Variants in CCDC91 observed in about 807,000 individuals in gnomAD.
CCDC91 encodes coiled-coil domain-containing protein 91.
In CCDC91, 48 loss-of-function variants were observed where a neutral mutation model predicts 63.2. That is an observed-to-expected ratio of 0.76 (90% CI 0.60 to 0.97). The LOEUF (loss-of-function observed/expected upper bound fraction) is 0.97, where lower values mean the gene tolerates loss of function less well. Among genes scored for constraint, CCDC91 ranks in the 50% least tolerant of loss-of-function variants. The pLI is 0.00. For missense variants in CCDC91, 500 were observed against 494.6 expected, an observed-to-expected ratio of 1.01 and a Z score of -0.10; for synonymous variants, 167 against 165.8, an observed-to-expected ratio of 1.01 and a Z score of -0.06.
intron 7 of CCDC91, among the ~76,000 whole-genome samples, chr12:28,377,081 C>G (rs1394892486): frequency 2.0e-5 from 3 of 149,440 alleles, no homozygotes; most frequent in Non-Finnish European, 4.5e-5. Flanking sequence ...TAAGGAATCT[C>G]TTTTAAGGCA....
chr12:28,512,140 G>A, intron 12 of CCDC91, among the ~76,000 whole-genome samples: 1 of 151,714 alleles, frequency 6.6e-6, no homozygotes, highest in East Asian at 1.9e-4. Flanking sequence ...GCATTCCTCT[G>A]CGAATAGGTT....
At chr12:28,378,336 ATTC>A (rs1945075983) in intron 7 of CCDC91, among the ~76,000 whole-genome samples, 2 of 152,084 alleles carry the variant, frequency 1.3e-5, no homozygotes, top group South Asian at 2.1e-4. Context: ...TGACTGCTGT[ATTC>A]TTATTTTTCA....
At chr12:28,201,574 T>C in intron 1 of CCDC91, among the ~76,000 whole-genome samples, 3 of 137,924 alleles carry the variant, frequency 2.2e-5, no homozygotes, top group South Asian at 2.3e-4. Flanking sequence ...GCTCCTCACG[T>C]CCCAGGCGAT....
chr12:28,235,987 A>C (rs1020484306), intron 1 of CCDC91, among the ~76,000 whole-genome samples: 3 of 152,058 alleles, frequency 2.0e-5, no homozygotes, highest in African/African-American at 7.2e-5. Flanking sequence ...AGAAACTGAA[A>C]ATTTTCTGAA....
At chr12:28,259,260 TG>T in intron 2 of CCDC91, 103 bp from the exon 3 acceptor site, 2 of 785,282 alleles carry the variant, frequency 2.5e-6, no homozygotes, top group Non-Finnish European at 4.4e-6. Flanking sequence ...TGAAAATGTC[TG>T]GTGTGTTATA....
At chr12:28,202,701 A>G (rs572034564) in intron 1 of CCDC91, among the ~76,000 whole-genome samples, 2 of 152,350 alleles carry the variant, frequency 1.3e-5, no homozygotes, top group South Asian at 4.1e-4. Context: ...AAGTGTAGCA[A>G]GAAGTCAAAG....
Position 28,452,541 on chromosome 12 carries a change from G to T in CCDC91, c.988G>T (p.Glu330Ter). 6.3e-7 allele frequency: 1 copy of T among 1,589,518 alleles called. No homozygotes were observed. The highest frequency in any genetic ancestry group is 1.2e-5 in the South Asian group (1 of 86,338). ...KVVEEERKNL[E>*]KAHAEERELW... Reference sequence around the variant, plus strand: ...CGTAGAAGAAGAAAGAAAAAATTTAGAAAAAGCGCATGCTGAAGAAAGGGA... The same window carrying T: ...CGTAGAAGAAGAAAGAAAAAATTTATAAAAAGCGCATGCTGAAGAAAGGGA... Residue 330 changes from glutamate to a stop codon, truncating the protein, a stop_gained, in exon 11 of 13, where the codon GAA (glutamate) becomes TAA (stop). Transcript: ENST00000536442. LOFTEE classifies it high-confidence loss of function.
chr12:28,275,833 A>T (rs1948175220), intron 3 of CCDC91, among the ~76,000 whole-genome samples: 1 of 152,102 alleles, frequency 6.6e-6, no homozygotes, highest in Admixed American at 6.6e-5. Context: ...AAATCAATAA[A>T]CGTAATCCAG....
intron 3 of CCDC91, among the ~76,000 whole-genome samples, chr12:28,300,092 T>C (rs931119466): frequency 6.6e-6 from 1 of 151,500 alleles, no homozygotes; most frequent in Non-Finnish European, 1.5e-5. Context: ...AGTCAGTCTT[T>C]CCTTGTGTTG....
intron 1 of CCDC91, among the ~76,000 whole-genome samples, chr12:28,200,771 T>G: frequency 6.6e-6 from 1 of 151,572 alleles, no homozygotes; most frequent in Non-Finnish European, 1.5e-5. Context: ...TCATGGCCTG[T>G]TCTCAATGAG....
At chr12:28,469,868 G>A (rs11049639) in intron 11 of CCDC91, among the ~76,000 whole-genome samples, 31,699 of 152,006 alleles carry the variant, frequency 0.21, 4,325 homozygotes, top group Non-Finnish European at 0.31. Context: ...ATTGTGCTGG[G>A]AAAACTGGAT....
intron 3 of CCDC91, among the ~76,000 whole-genome samples, chr12:28,294,688 G>A (rs1378467185): frequency 6.6e-6 from 1 of 151,984 alleles, no homozygotes; most frequent in African/African-American, 2.4e-5. Context: ...GGGTTCAAGC[G>A]ATTCCCTTGC....
chr12:28,416,804 A>G (rs1186623280), intron 8 of CCDC91, among the ~76,000 whole-genome samples: 3 of 152,170 alleles, frequency 2.0e-5, no homozygotes, highest in Non-Finnish European at 2.9e-5. Flanking sequence ...CAAGCAGAGT[A>G]TCTTGTCAGT....
chr12:28,547,195 G>A (rs1943049967), intron 12 of CCDC91, among the ~76,000 whole-genome samples: 1 of 152,052 alleles, frequency 6.6e-6, no homozygotes, highest in African/African-American at 2.4e-5. Context: ...GACTGGAACT[G>A]AGTATTGGTA....
intron 6 of CCDC91, among the ~76,000 whole-genome samples, chr12:28,311,236 G>A (rs1480382510): frequency 6.6e-6 from 1 of 151,960 alleles, no homozygotes; most frequent in African/African-American, 2.4e-5. Context: ...ATCCCTGGCT[G>A]GGAGCAGGAG....
At chr12:28,467,186 T>C (rs1206524448) in intron 11 of CCDC91, among the ~76,000 whole-genome samples, 1 of 151,952 alleles carries the variant, frequency 6.6e-6, no homozygotes, top group Admixed American at 6.6e-5. Flanking sequence ...TGAAGGTATT[T>C]TAAAAAAGAC....
At chr12:28,443,768 CA>C (rs1949356124) in intron 8 of CCDC91, among the ~76,000 whole-genome samples, 1 of 152,094 alleles carries the variant, frequency 6.6e-6, no homozygotes, top group African/African-American at 2.4e-5. Flanking sequence ...AAAAATCTGT[CA>C]GGGGTTTATA....
At chr12:28,231,225 G>C (rs1944575820) in intron 1 of CCDC91, among the ~76,000 whole-genome samples, 1 of 152,150 alleles carries the variant, frequency 6.6e-6, no homozygotes, top group African/African-American at 2.4e-5. Flanking sequence ...ATCTGGTGTG[G>C]CTTCAAAAGG....
intron 7 of CCDC91, among the ~76,000 whole-genome samples, chr12:28,387,045 G>A (rs1945647760): frequency 6.6e-6 from 1 of 152,110 alleles, no homozygotes; most frequent in African/African-American, 2.4e-5. Context: ...ATTATATTAT[G>A]AGATGTGAGA....
Sources: gnomAD v4.1 joint callset for allele counts (sites outside exome capture counted in the v4.1 genomes callset) on GRCh38, gnomAD v4.1.1 for gene constraint, MANE v1.5 for transcripts, NCBI Gene and HGNC (gene_info 2026-07-23, HGNC 2026-07-21) for gene names.